REV3L: variants seen among roughly 807,000 people sequenced by gnomAD.
REV3L encodes the protein DNA polymerase zeta catalytic subunit.
A neutral mutation model predicts 299.4 loss-of-function variants in REV3L; 69 were observed. The ratio of observed to expected loss-of-function variants is 0.23; its 90% CI spans 0.19 to 0.28. The LOEUF is 0.28. Ranked by LOEUF, REV3L falls within the 10% of genes least tolerant of loss-of-function variation. The pLI is 1.00. For synonymous variants in REV3L, 1,238 were observed against 1,271.4 expected, an observed-to-expected ratio of 0.97 and a Z score of 0.56; for missense variants, 3,128 against 3,693.8, an observed-to-expected ratio of 0.85 and a Z score of 3.97.
Position 111,367,161 on chromosome 6 carries a change from A to G in REV3L, c.6627T>C (p.Leu2209=), listed in dbSNP as rs772109258. The change falls in exon 14 of 32, where the codon CTT becomes CTC. Residue 2209 remains leucine (L), a synonymous_variant. Coordinates refer to ENST00000368802, the MANE Select transcript of REV3L (RefSeq NM_001372078.1). Reference sequence around the variant, plus strand: ...CAGGTGCTTCAGGAAGCCTTTCCAGAAGTTTTCTCTGTATGATTGGTGTAC... The same window carrying G: ...CAGGTGCTTCAGGAAGCCTTTCCAGGAGTTTTCTCTGTATGATTGGTGTAC... ...FHSTPIIQRK[L]LERLPEAPGL... The G allele has an allele frequency of 2.5e-6, 4 of 1,608,304 alleles. No homozygotes were observed. The highest frequency in any genetic ancestry group is 1.3e-5 in the African/African-American group (1 of 74,452).
intron 1 of REV3L, 61 bp from the exon 2 acceptor site, chr6:111,416,533 G>A: frequency 3.1e-6 from 4 of 1,300,492 alleles, no homozygotes; most frequent in African/African-American, 1.5e-5. Flanking sequence ...ACAAAACTCA[G>A]AATGAAACTC....
At chr6:111,308,567 A>C (rs759482374) in intron 30 of REV3L, among the ~76,000 whole-genome samples, 1 of 152,210 alleles carries the variant, frequency 6.6e-6, no homozygotes, top group Admixed American at 6.5e-5. Flanking sequence ...AAAAATCTTA[A>C]GTTGAACCAT....
In REV3L at chr6:111,304,390, T is replaced by C. The variant is rs557948019; in HGVS notation, c.9252+2971A>G. 9.4e-5 allele frequency among the ~76,000 whole-genome samples: 14 copies of C among 148,732 alleles called. No homozygotes were observed. In the East Asian group the frequency reaches 2.8e-3, roughly 30 times the overall value. On this transcript the variant is annotated intron_variant, in intron 31 of 31. Transcript: ENST00000368802. ...TTTACAATTTCCATAATTTCACTTA[T>C]TTCTGATCACTTGATTGGTCTTGGA...
intron 4 of REV3L, among the ~76,000 whole-genome samples, chr6:111,398,581 A>C (rs1395816534): frequency 6.6e-6 from 1 of 151,462 alleles, no homozygotes; most frequent in Admixed American, 6.6e-5. Flanking sequence ...TCAAATTTCT[A>C]AATCATTTTC....
intron 1 of REV3L, chr6:111,430,878 G>C: frequency 6.2e-7 from 1 of 1,604,746 alleles, no homozygotes; most frequent in Non-Finnish European, 8.5e-7. Flanking sequence ...ACAATGTTGG[G>C]ACTTCTCCAT....
intron 1 of REV3L, among the ~76,000 whole-genome samples, chr6:111,441,532 C>A (rs917545017): frequency 6.6e-6 from 1 of 152,126 alleles, no homozygotes; most frequent in Non-Finnish European, 1.5e-5. Flanking sequence ...ATTACAGGTG[C>A]GAGCCACCAC....
Position 111,349,257 on chromosome 6 carries a change from G to C in REV3L, c.7380C>G (p.Gly2460=). Residue 2460 remains glycine, a synonymous_variant, in exon 20 of 32, where the codon GGC becomes GGG. Transcript: ENST00000368802. ...TTCTCCAAAGATTTAGTGTAATTCG[G>C]CCAACAATATTTATCTCACTCATTG... ...SYTMSEINIV[G]RITLNLWRIM... 2 of 1,601,644 alleles carry C rather than the reference G, an allele frequency of 1.2e-6. No individual in the cohort carries two copies.
intron 7 of REV3L, 152 bp from the exon 8 acceptor site, chr6:111,388,237 C>T: frequency 1.7e-6 from 1 of 604,370 alleles, no homozygotes; most frequent in Middle Eastern, 4.4e-4. Flanking sequence ...CATAGAATCA[C>T]ACAAAAGAGA....
chr6:111,377,806 C>T lies in REV3L; in HGVS notation c.1492G>A (p.Asp498Asn), dbSNP rs768621059. ...CRNTHRSSTE[D>N]DDSSSGEEME... ...TCTTCTCCTGAAGATGAGTCATCAT[C>T]TTCAGTTGAACTTCTGTGGGTATTT... is the stretch of plus-strand genomic sequence containing the variant. The change falls in exon 12 of 32, where the codon GAT becomes AAT. Residue 498 changes from aspartate (D) to asparagine (N), a missense_variant. By Grantham distance (23) the Asp-to-Asn change is conservative. This residue lies in a region of REV3L where 2,409 missense variants were observed against 2,611.8 expected (regional missense o/e 0.92). Coordinates refer to ENST00000368802, the MANE Select transcript of REV3L (RefSeq NM_001372078.1). The T allele has an allele frequency of 4.3e-6, 7 of 1,613,394 alleles. No individual in the cohort carries two copies. The highest frequency in any genetic ancestry group is 5.9e-6 in the Non-Finnish European group (7 of 1,179,754).
At chr6:111,414,382 T>G (rs1784554269) in intron 2 of REV3L, among the ~76,000 whole-genome samples, 1 of 152,120 alleles carries the variant, frequency 6.6e-6, no homozygotes, top group Non-Finnish European at 1.5e-5. Flanking sequence ...AGTCACTGTT[T>G]CTGAATGGAA....
chr6:111,400,364 G>A lies in REV3L; in HGVS notation c.565+5106C>T, dbSNP rs112218351. Among the ~76,000 whole-genome samples, 584 of 152,264 alleles carry A rather than the reference G, an allele frequency of 3.8e-3. 4 individuals carry two copies. The highest frequency in any genetic ancestry group is 0.013 in the African/African-American group (520 of 41,562). ...ATTCCCACCAGCAAAGAATGTCAGCGCTGCTGTTCCACCTCTTGGTCAACA... is the reference window on the plus strand; with the variant it reads ...ATTCCCACCAGCAAAGAATGTCAGCACTGCTGTTCCACCTCTTGGTCAACA... On this transcript the variant is annotated intron_variant, in intron 4 of 31. Transcript: ENST00000368802.
Position 111,400,235 on chromosome 6 carries a change from C to T in REV3L, c.565+5235G>A, listed in dbSNP as rs182260682. Reference sequence around the variant, plus strand: ...TACAGGTTTGGGTGGACCTAAATCACTTAGGTAAACATACCTAGGAGTGCC... The same window carrying T: ...TACAGGTTTGGGTGGACCTAAATCATTTAGGTAAACATACCTAGGAGTGCC... On this transcript the variant is annotated intron_variant, in intron 4 of 31. Coordinates refer to ENST00000368802, the MANE Select transcript of REV3L (RefSeq NM_001372078.1). 5.3e-5 allele frequency among the ~76,000 whole-genome samples: 8 copies of T among 152,272 alleles called. No homozygotes were observed. In the East Asian group the frequency reaches 1.5e-3, roughly 29 times the overall value.
intron 1 of REV3L, among the ~76,000 whole-genome samples, chr6:111,453,193 T>C (rs1344863322): frequency 2.0e-5 from 3 of 152,112 alleles, no homozygotes; most frequent in Non-Finnish European, 4.4e-5. Flanking sequence ...ACCTACTCCA[T>C]CCATCACACA....
Position 111,376,647 on chromosome 6 carries a change from A to G in REV3L, c.1708T>C (p.Ser570Pro), listed in dbSNP as rs758985427. The G allele has an allele frequency of 6.2e-7, 1 of 1,612,752 alleles. No homozygotes were observed. The highest frequency in any genetic ancestry group is 1.1e-5 in the South Asian group (1 of 91,076). Reference protein sequence around the residue: ...FHKDAATLEPSSSAKITFQCK... With the variant: ...FHKDAATLEPPSSAKITFQCK... ...TGAAAGGTAATCTTAGCAGAAGATGAGGGTTCTAATGTAGCAGCATCTTTG... is the reference window on the plus strand; with the variant it reads ...TGAAAGGTAATCTTAGCAGAAGATGGGGGTTCTAATGTAGCAGCATCTTTG... The change falls in exon 13 of 32, where the codon TCA (serine) becomes CCA (proline). Residue 570 changes from serine (S) to proline (P), a missense_variant. Coordinates refer to ENST00000368802, the MANE Select transcript of REV3L (RefSeq NM_001372078.1).
At chr6:111,443,884 T>C (rs1189181200) in intron 1 of REV3L, among the ~76,000 whole-genome samples, 1 of 152,248 alleles carries the variant, frequency 6.6e-6, no homozygotes, top group Non-Finnish European at 1.5e-5. Context: ...TACATGACTT[T>C]AATGGTGTAG....
At chr6:111,377,235 C>T (rs190850012) in intron 12 of REV3L, among the ~76,000 whole-genome samples, 43 of 152,202 alleles carry the variant, frequency 2.8e-4, no homozygotes, top group Middle Eastern at 6.8e-3. Context: ...TCCTGAAGGA[C>T]GAAACATCAC....
chr6:111,475,538 T>C (rs1340704297), intron 1 of REV3L, among the ~76,000 whole-genome samples: 1 of 152,212 alleles, frequency 6.6e-6, no homozygotes, highest in African/African-American at 2.4e-5. Flanking sequence ...ACATAACCTT[T>C]GCTCATTTGA....
In REV3L at chr6:111,329,689, T is replaced by C; in HGVS notation, c.8084A>G (p.Lys2695Arg). The C allele has an allele frequency of 6.2e-7, 1 of 1,613,894 alleles. No individual in the cohort carries two copies. Among genetic ancestry groups the C allele is most frequent in the Non-Finnish European group, 8.5e-7 (1 of 1,180,026 alleles). ...TGACTGCTTCACCATAAATCTAGTC[T>C]TCAAAATTTCTTCAAGCATTCTTGG... ...VLPRMLEEIL[K>R]TRFMVKQSMK... The change falls in exon 25 of 32, where the codon AAG (lysine) becomes AGG (arginine). Residue 2695 changes from lysine (K) to arginine (R), a missense_variant. Coordinates refer to ENST00000368802, the MANE Select transcript of REV3L (RefSeq NM_001372078.1).
chr6:111,483,569 A>C (rs773227826), upstream of REV3L: 11 of 476,446 alleles, frequency 2.3e-5, no homozygotes, highest in South Asian at 1.1e-4. Flanking sequence ...GCTATGCAGG[A>C]TTGGCAGGAG....
Sources: gnomAD v4.1 joint callset for allele counts (sites outside exome capture counted in the v4.1 genomes callset) on GRCh38, gnomAD v4.1.1 for gene constraint, gnomAD v4.1.1 regional missense constraint, MANE v1.5 for transcripts, NCBI Gene and HGNC (gene_info 2026-07-23, HGNC 2026-07-21) for gene names.